The following RTKN variants were observed in gnomAD, a reference collection of about 807,000 sequenced individuals.
RTKN encodes rhotekin.
RTKN carries 49 observed loss-of-function variants against 63.5 expected under a neutral mutation model. The ratio of observed to expected loss-of-function variants is 0.77; its 90% CI spans 0.61 to 0.98. The LOEUF is 0.98. RTKN is among the 50% of genes least tolerant of loss of function. The probability of loss-of-function intolerance (pLI) is 0.00; values close to 1 mark genes in which losing one functional copy is unlikely to be tolerated. For missense variants in RTKN, 685 were observed against 740.8 expected (o/e 0.92, Z 0.87); for synonymous variants, 295 against 290.4 (o/e 1.02, Z -0.16).
chr2:74,428,324 G>T lies in RTKN; in HGVS notation c.1030C>A (p.Gln344Lys). The change falls in exon 9 of 12, where the codon CAA becomes AAA. Residue 344 changes from glutamine to lysine, a missense_variant. Gln to Lys is a moderately conservative substitution (Grantham distance 53, BLOSUM62 1). Transcript: ENST00000272430. The stretch of plus-strand genomic sequence containing the variant: ...TCCCCAGTGTCTGCATCCTCAGGTT[G>T]CCGGTAACAGAAGAGGTTTGTGCCT... ...LKGTNLFCYR[Q>K]PEDADTGEEP... 1 of 1,614,154 alleles carries T rather than the reference G, an allele frequency of 6.2e-7. No homozygotes were observed. The highest frequency in any genetic ancestry group is 8.5e-7 in the Non-Finnish European group (1 of 1,180,022).
At chr2:74,428,080 A>G (rs1670512218) in intron 9 of RTKN, 188 bp downstream of exon 9, 1 of 682,404 alleles carries the variant, frequency 1.5e-6, no homozygotes, top group African/African-American at 1.8e-5. Flanking sequence ...TGGCAAGTGA[A>G]TGGGACGATC....
In RTKN at chr2:74,433,446, C is replaced by T. The variant is rs114009175; in HGVS notation, c.112-780G>A. Reference sequence around the variant, plus strand: ...AGTTTATCTTACACATATAATTTCACATATATCTAGGTAAAGCCATACATA... The same window carrying T: ...AGTTTATCTTACACATATAATTTCATATATATCTAGGTAAAGCCATACATA... On this transcript the variant is annotated intron_variant, in intron 1 of 11. Coordinates refer to ENST00000272430, the MANE Select transcript of RTKN (RefSeq NM_001015055.2). 3.4e-3 allele frequency among the ~76,000 whole-genome samples: 512 copies of T among 151,760 alleles called. 5 individuals carry two copies. The highest frequency in any genetic ancestry group is 0.012 in the African/African-American group (488 of 41,412).
At chr2:74,437,114 G>A (rs1195838630) in intron 1 of RTKN, among the ~76,000 whole-genome samples, 1 of 152,014 alleles carries the variant, frequency 6.6e-6, no homozygotes, top group African/African-American at 2.4e-5. Flanking sequence ...CTCCACCAGG[G>A]CTAAGTACAA....
Position 74,426,217 on chromosome 2 carries a change from AGATC to A in RTKN, c.*22_*25del. The A allele has an allele frequency of 6.2e-7, 1 of 1,602,620 alleles. No homozygotes were observed. The highest frequency in any genetic ancestry group is 2.2e-5 in the East Asian group (1 of 44,808). On this transcript the variant is annotated 3_prime_UTR_variant, in exon 12 of 12. Coordinates refer to ENST00000272430, the MANE Select transcript of RTKN (RefSeq NM_001015055.2). ...GCATGGGTCATTTTCTCTTCTGGGCAGATCCTATGCCAGCACCTTTCTCTCTCAC... is the reference window on the plus strand; with the variant it reads ...GCATGGGTCATTTTCTCTTCTGGGCACTATGCCAGCACCTTTCTCTCTCAC...
chr2:74,431,574 TCTGTCCATGCTGCCTCTCAGAGG>T (rs1418140412), intron 2 of RTKN, among the ~76,000 whole-genome samples: 1 of 152,032 alleles, frequency 6.6e-6, no homozygotes, highest in African/African-American at 2.4e-5. Context: ...CAGGACAGAG[TCTGTCCATGCTGCCTCTCAGAGG>T]CTGTCCCCCC....
intron 7 of RTKN, 36 bp from the exon 8 acceptor site, chr2:74,428,773 A>G: frequency 2.5e-6 from 4 of 1,605,842 alleles, no homozygotes; most frequent in Non-Finnish European, 3.4e-6. Context: ...AGGTAGGGGA[A>G]TGAGAAGGGG....
intron 1 of RTKN, among the ~76,000 whole-genome samples, chr2:74,433,196 C>A (rs1230948495): frequency 6.7e-6 from 1 of 150,132 alleles, no homozygotes; most frequent in Non-Finnish European, 1.5e-5. Flanking sequence ...TGAGCCGAGA[C>A]TGCACCACTG....
At chr2:74,432,397 G>A (rs771651239) in intron 2 of RTKN, 70 bp downstream of exon 2, 20 of 1,407,458 alleles carry the variant, frequency 1.4e-5, no homozygotes, top group Non-Finnish European at 2.0e-5. Flanking sequence ...TGCCACACAC[G>A]CACATGCTGC....
intron 7 of RTKN, 31 bp from the exon 8 acceptor site, chr2:74,428,768 G>A: frequency 6.2e-7 from 1 of 1,608,380 alleles, no homozygotes; most frequent in South Asian, 1.1e-5. Flanking sequence ...GGGTGAGGTA[G>A]GGGAATGAGA....
chr2:74,426,506 C>G lies in RTKN; in HGVS notation c.1429G>C (p.Glu477Gln), dbSNP rs1454250572. 3 of 1,583,230 alleles carry G rather than the reference C, an allele frequency of 1.9e-6. No individual in the cohort carries two copies. The highest frequency in any genetic ancestry group is 1.3e-5 in the African/African-American group (1 of 74,384). Residue 477 changes from glutamate (E) to glutamine (Q), a missense_variant, in exon 12 of 12, where the codon GAG becomes CAG. By Grantham distance (29) the Glu-to-Gln change is conservative. Transcript: ENST00000272430. Reference sequence around the variant, plus strand: ...ATTGCCAGCCAGGGTGGGGGTGTCTCCAGCCTTGCGCCCTCCCGCTGGGTC... The same window carrying G: ...ATTGCCAGCCAGGGTGGGGGTGTCTGCAGCCTTGCGCCCTCCCGCTGGGTC... ...ILTQREGARL[E>Q]TPPPWLAMFT...
chr2:74,430,896 C>A, intron 2 of RTKN: 1 of 578,260 alleles, frequency 1.7e-6, no homozygotes, highest in Non-Finnish European at 3.1e-6. Context: ...CACATTAACT[C>A]ACACATAAGG....
At chr2:74,432,690 G>A (rs1224074153) in intron 1 of RTKN, 24 bp from the exon 2 acceptor site, 6 of 1,610,584 alleles carry the variant, frequency 3.7e-6, no homozygotes, top group Non-Finnish European at 5.1e-6. Flanking sequence ...GGGGAAGGGT[G>A]AGAAGGAAAT....
chr2:74,438,241 G>GA (rs1671163258), intron 1 of RTKN, among the ~76,000 whole-genome samples: 1 of 152,042 alleles, frequency 6.6e-6, no homozygotes, highest in African/African-American at 2.4e-5. Flanking sequence ...ACATACCTGG[G>GA]AATCATCCTG....
At position 74,427,503 on chromosome 2, in the gene RTKN, C is replaced by G. The variant is rs776893790; in HGVS notation, c.1176G>C (p.Val392=). The change falls in exon 10 of 12, where the codon GTG becomes GTC. Residue 392 remains valine, a synonymous_variant. Coordinates refer to ENST00000272430, the MANE Select transcript of RTKN (RefSeq NM_001015055.2). ...GACTTTCTGTCTGAAGGGTGTGTGT[C>G]ACCTCATCATCCCCATACTGGTTAC... ...SISNQYGDDE[V]THTLQTESRE... 6.2e-7 allele frequency: 1 copy of G among 1,614,210 alleles called. No individual in the cohort carries two copies. The highest frequency in any genetic ancestry group is 2.2e-5 in the East Asian group (1 of 44,894).
intron 2 of RTKN, 54 bp from the exon 3 acceptor site, chr2:74,430,731 C>G: frequency 6.5e-7 from 1 of 1,541,632 alleles, no homozygotes; most frequent in African/African-American, 1.4e-5. Flanking sequence ...TTCCCCCTTG[C>G]TCTGGTCCCA....
At chr2:74,427,639 G>A in intron 9 of RTKN, 47 bp from the exon 10 acceptor site, 1 of 1,584,338 alleles carries the variant, frequency 6.3e-7, no homozygotes, top group African/African-American at 1.3e-5. Flanking sequence ...AGTTGGCAGT[G>A]ACAATCAGGC....
chr2:74,437,962 C>T (rs560876356), intron 1 of RTKN, among the ~76,000 whole-genome samples: 6 of 152,292 alleles, frequency 3.9e-5, no homozygotes, highest in Admixed American at 2.6e-4. Flanking sequence ...TATGCCAAGA[C>T]GGTCCTGAGA....
intron 6 of RTKN, among the ~76,000 whole-genome samples, 175 bp from the exon 7 acceptor site, chr2:74,429,117 G>A (rs557159353): frequency 3.9e-5 from 6 of 152,270 alleles, no homozygotes; most frequent in Non-Finnish European, 7.4e-5. Flanking sequence ...CAGGACGTAT[G>A]CTTTATATGT....
intron 6 of RTKN, 152 bp from the exon 7 acceptor site, chr2:74,429,094 T>C: frequency 1.5e-6 from 1 of 655,002 alleles, no homozygotes; most frequent in South Asian, 1.8e-5. Flanking sequence ...TTTACCGAGC[T>C]CCAGCTAAGT....
Sources: allele counts gnomAD v4.1 joint callset (sites outside exome capture counted in the v4.1 genomes callset), GRCh38; gene constraint gnomAD v4.1.1; transcripts MANE v1.5; gene names NCBI Gene and HGNC (gene_info 2026-07-23, HGNC 2026-07-21).